Variants in OR8H2 observed in about 807,000 individuals in gnomAD.
OR8H2 encodes olfactory receptor 8H2.
For missense variants in OR8H2, 374 were observed against 371.1 expected (o/e 1.01, Z -0.06); for synonymous variants, 157 against 139.2 (o/e 1.13, Z -0.90).
In OR8H2 at chr11:56,107,364, A is replaced by G. The variant is rs1854069303; in HGVS notation, c.*1383A>G. ...ACTCCTTGACTTAAATGCTTTATTC[A>G]TTGATTTTAAATTTCTTAATACAGA... is the stretch of plus-strand genomic sequence containing the variant. On this transcript the variant is annotated 3_prime_UTR_variant, in exon 2 of 2. Coordinates refer to ENST00000313503, the MANE Select transcript of OR8H2 (RefSeq NM_001386064.1). 6.6e-6 allele frequency: 1 copy of G among 151,934 alleles called. No homozygotes were observed. Among genetic ancestry groups the G allele is most frequent in the African/African-American group, 2.4e-5 (1 of 41,444 alleles). 9.4% of individuals were successfully genotyped at this position (151,934 alleles called of 1,614,324 possible).
chr11:56,106,284 T>G lies in OR8H2; in HGVS notation c.*303T>G. 1.1e-5 allele frequency: 2 copies of G among 185,856 alleles called. No individual in the cohort carries two copies. Among genetic ancestry groups the G allele is most frequent in the South Asian group, 1.5e-4 (1 of 6,506 alleles). The allele number at this position is 185,856 out of a possible 1,614,324, so 11.5% of individuals were successfully genotyped here. On this transcript the variant is annotated 3_prime_UTR_variant, in exon 2 of 2. Transcript: ENST00000313503. ...ATTTTTAATTATATTATTCAAATTC[T>G]TATGTATACTTCAATTGTAGATAAA...
In OR8H2 at chr11:56,105,769, T is replaced by C; in HGVS notation, c.727T>C (p.Ser243Pro). Residue 243 changes from serine to proline, a missense_variant, in exon 2 of 2, where the codon TCT becomes CCT. Transcript: ENST00000313503. ...GKQKAFSTCV[S>P]HLLGVTIFYS... Reference sequence around the variant, plus strand: ...GCAGAAAGCTTTCTCTACTTGCGTCTCTCATCTCTTGGGAGTCACCATCTT... The same window carrying C: ...GCAGAAAGCTTTCTCTACTTGCGTCCCTCATCTCTTGGGAGTCACCATCTT... 6.2e-7 allele frequency: 1 copy of C among 1,613,964 alleles called. No homozygotes were observed. The highest frequency in any genetic ancestry group is 8.5e-7 in the Non-Finnish European group (1 of 1,179,838).
At position 56,105,607 on chromosome 11, in the gene OR8H2, T is replaced by C. The variant is rs1288721839; in HGVS notation, c.565T>C (p.Cys189Arg). Residue 189 changes from cysteine (C) to arginine (R), a missense_variant, in exon 2 of 2, where the codon TGC becomes CGC. By Grantham distance (180) the Cys-to-Arg change is radical. Transcript: ENST00000313503. Reference protein sequence around the residue: ...CDTSPILALSCTDTYNTEILI... With the variant: ...CDTSPILALSRTDTYNTEILI... ...CACTTCCCCAATTTTAGCTCTGTCC[T>C]GCACTGATACATACAACACCGAAAT... 1.2e-6 allele frequency: 2 copies of C among 1,614,202 alleles called. No homozygotes were observed. The highest frequency in any genetic ancestry group is 2.2e-5 in the South Asian group (2 of 91,088).
intron 1 of OR8H2, among the ~76,000 whole-genome samples, 158 bp downstream of exon 1, chr11:56,104,145 C>T (rs892490924): frequency 4.6e-5 from 7 of 151,900 alleles, no homozygotes; most frequent in African/African-American, 1.4e-4. Flanking sequence ...GTAGAGTTGA[C>T]AGAATCAGAG....
rs200200653 is a variant in OR8H2, at chr11:56,105,791, T to C, written c.749T>C (p.Ile250Thr). Residue 250 changes from isoleucine to threonine, a missense_variant, in exon 2 of 2, where the codon ATC (isoleucine) becomes ACC (threonine). Ile to Thr is a moderately conservative substitution (Grantham distance 89). Coordinates refer to ENST00000313503, the MANE Select transcript of OR8H2 (RefSeq NM_001386064.1). The stretch of plus-strand genomic sequence containing the variant: ...GTCTCTCATCTCTTGGGAGTCACCA[T>C]CTTTTATAGCACTCTGATTTTTACT... ...TCVSHLLGVT[I>T]FYSTLIFTYL... 3.1e-5 allele frequency: 50 copies of C among 1,613,784 alleles called. No homozygotes were observed. The highest frequency in any genetic ancestry group is 5.0e-5 in the Admixed American group (3 of 59,990).
chr11:56,105,997 T>A lies in OR8H2; in HGVS notation c.*16T>A. 1 of 1,411,200 alleles carries A rather than the reference T, an allele frequency of 7.1e-7. No homozygotes were observed. The highest frequency in any genetic ancestry group is 9.7e-7 in the Non-Finnish European group (1 of 1,031,542). The allele number at this position is 1,411,200 out of a possible 1,614,324, so 87.4% of individuals were successfully genotyped here. On this transcript the variant is annotated 3_prime_UTR_variant, in exon 2 of 2. Transcript: ENST00000313503. ...CTCCAGGTAATTAATATAGCAGGAATGCTGAACATTTAAACTCATCTTTTC... is the reference window on the plus strand; with the variant it reads ...CTCCAGGTAATTAATATAGCAGGAAAGCTGAACATTTAAACTCATCTTTTC...
rs1288280240 is a variant in OR8H2, at chr11:56,105,489, T to C, written c.447T>C (p.Tyr149=). 5 of 1,614,116 alleles carry C rather than the reference T, an allele frequency of 3.1e-6. No individual in the cohort carries two copies. The highest frequency in any genetic ancestry group is 3.4e-6 in the Non-Finnish European group (4 of 1,180,048). Residue 149 remains tyrosine (Y), a synonymous_variant, in exon 2 of 2, where the codon TAT becomes TAC. Transcript: ENST00000313503. ...GCCTCGCTCTCATCACTGGGCCTTATGTGATTGGCTTTATAGACTCCTTTG... is the reference window on the plus strand; with the variant it reads ...GCCTCGCTCTCATCACTGGGCCTTACGTGATTGGCTTTATAGACTCCTTTG... ...RLCLALITGP[Y]VIGFIDSFVN...
chr11:56,106,080 T>C lies in OR8H2; in HGVS notation c.*99T>C, dbSNP rs1257699762. ...CTATAAAAACAATTGAATCTTTTAA[T>C]TTGTTTGCATTTCTGTTGTGCTACC... On this transcript the variant is annotated 3_prime_UTR_variant, in exon 2 of 2. Coordinates refer to ENST00000313503, the MANE Select transcript of OR8H2 (RefSeq NM_001386064.1). 3 of 808,064 alleles carry C rather than the reference T, an allele frequency of 3.7e-6. No homozygotes were observed. Among genetic ancestry groups the C allele is most frequent in the Admixed American group, 5.3e-5 (2 of 37,704 alleles). The allele number at this position is 808,064 out of a possible 1,614,324, so 50.1% of individuals were successfully genotyped here.
chr11:56,104,126 G>T (rs1854015369), intron 1 of OR8H2, 139 bp downstream of exon 1: 1 of 151,944 alleles, frequency 6.6e-6, no homozygotes, highest in South Asian at 2.1e-4. Flanking sequence ...CAAGGTTTTT[G>T]AAACAAATGT....
chr11:56,105,192 C>G lies in OR8H2; in HGVS notation c.150C>G (p.Ile50Met). The G allele has an allele frequency of 6.2e-7, 1 of 1,614,178 alleles. No individual in the cohort carries two copies. The highest frequency in any genetic ancestry group is 8.5e-7 in the Non-Finnish European group (1 of 1,180,022). The change falls in exon 2 of 2, where the codon ATC becomes ATG. Residue 50 changes from isoleucine (I) to methionine (M), a missense_variant. Transcript: ENST00000313503. ...MLGNVGMILI[I>M]RLDLQLHTPM... ...GGAATGTGGGGATGATATTGATAAT[C>G]CGCCTGGACCTCCAGCTTCACACTC... is the stretch of plus-strand genomic sequence containing the variant.
rs76558051 is a variant in OR8H2, at chr11:56,104,168, G to A, written c.-172+181G>A. Among the ~76,000 whole-genome samples, 1,489 of 152,072 alleles carry A rather than the reference G, an allele frequency of 9.8e-3. 22 individuals are homozygous for A. Among genetic ancestry groups the A allele is most frequent in the African/African-American group, 0.035 (1,433 of 41,500 alleles). On this transcript the variant is annotated intron_variant, in intron 1 of 1. Coordinates refer to ENST00000313503, the MANE Select transcript of OR8H2 (RefSeq NM_001386064.1). ...GACAGAATCAGAGTCTACAAGCAAAGTATATACTTTGAAAATATAATTTTT... is the reference window on the plus strand; with the variant it reads ...GACAGAATCAGAGTCTACAAGCAAAATATATACTTTGAAAATATAATTTTT...
Position 56,105,250 on chromosome 11 carries a change from A to C in OR8H2, c.208A>C (p.Ile70Leu). ...TTTTTTCCTTACTCACCTGTCATTT[A>C]TTGACCTCAGTTACTCAACTGTCGT... is the stretch of plus-strand genomic sequence containing the variant. ...MYFFLTHLSFIDLSYSTVVTP... is the reference protein window; with the variant it reads ...MYFFLTHLSFLDLSYSTVVTP... Residue 70 changes from isoleucine to leucine, a missense_variant, in exon 2 of 2, where the codon ATT (isoleucine) becomes CTT (leucine). Ile to Leu is a conservative substitution (Grantham distance 5, BLOSUM62 2). Coordinates refer to ENST00000313503, the MANE Select transcript of OR8H2 (RefSeq NM_001386064.1). 6.2e-7 allele frequency: 1 copy of C among 1,614,166 alleles called. No homozygotes were observed. The highest frequency in any genetic ancestry group is 8.5e-7 in the Non-Finnish European group (1 of 1,180,020).
Position 56,105,606 on chromosome 11 carries a change from C to T in OR8H2, c.564C>T (p.Ser188=). ...ACACTTCCCCAATTTTAGCTCTGTC[C>T]TGCACTGATACATACAACACCGAAA... ...FCDTSPILAL[S]CTDTYNTEIL... is the part of the protein sequence containing the mutation. Residue 188 remains serine (S), a synonymous_variant, in exon 2 of 2, where the codon TCC becomes TCT. Coordinates refer to ENST00000313503, the MANE Select transcript of OR8H2 (RefSeq NM_001386064.1). 1 of 1,614,136 alleles carries T rather than the reference C, an allele frequency of 6.2e-7. No individual in the cohort carries two copies. Among genetic ancestry groups the T allele is most frequent in the East Asian group, 2.2e-5 (1 of 44,872 alleles).
Position 56,106,111 on chromosome 11 carries a change from C to T in OR8H2, c.*130C>T, listed in dbSNP as rs1854052717. Reference sequence around the variant, plus strand: ...TGCATTTCTGTTGTGCTACCCTTTGCTTCACTAAACATGATTTTAAACATT... The same window carrying T: ...TGCATTTCTGTTGTGCTACCCTTTGTTTCACTAAACATGATTTTAAACATT... On this transcript the variant is annotated 3_prime_UTR_variant, in exon 2 of 2. Transcript: ENST00000313503. The T allele has an allele frequency of 3.1e-6, 2 of 637,440 alleles. No individual in the cohort carries two copies. The highest frequency in any genetic ancestry group is 5.3e-6 in the Non-Finnish European group (2 of 379,170). 39.5% of individuals were successfully genotyped at this position (637,440 alleles called of 1,614,324 possible).
rs1258172824 is a variant in OR8H2 at position 56,106,143 on chromosome 11, C to G, written c.*162C>G. 1 of 518,488 alleles carries G rather than the reference C, an allele frequency of 1.9e-6. No individual in the cohort carries two copies. Among genetic ancestry groups the G allele is most frequent in the Non-Finnish European group, 3.3e-6 (1 of 300,956 alleles). 32.1% of individuals were successfully genotyped at this position (518,488 alleles called of 1,614,324 possible). A position where few individuals can be genotyped will look rare whatever the true frequency, so the allele number is the denominator to read the frequency against. On this transcript the variant is annotated 3_prime_UTR_variant, in exon 2 of 2. Transcript: ENST00000313503. Reference sequence around the variant, plus strand: ...AAACATGATTTTAAACATTTCAAGGCATATGTTTTTAGAAATCCAAATGGT... The same window carrying G: ...AAACATGATTTTAAACATTTCAAGGGATATGTTTTTAGAAATCCAAATGGT...
At position 56,106,089 on chromosome 11, in the gene OR8H2, A is replaced by C. The variant is rs1311453553; in HGVS notation, c.*108A>C. ...CAATTGAATCTTTTAATTTGTTTGC[A>C]TTTCTGTTGTGCTACCCTTTGCTTC... On this transcript the variant is annotated 3_prime_UTR_variant, in exon 2 of 2. Transcript: ENST00000313503. The C allele has an allele frequency of 2.6e-6, 2 of 778,572 alleles. No homozygotes were observed. The highest frequency in any genetic ancestry group is 5.1e-5 in the East Asian group (2 of 39,414). 48.2% of individuals were successfully genotyped at this position (778,572 alleles called of 1,614,324 possible). A position where few individuals can be genotyped will look rare whatever the true frequency, so the allele number is the denominator to read the frequency against.
chr11:56,104,816 T>A, intron 1 of OR8H2, 56 bp from the exon 2 acceptor site: 1 of 433,960 alleles, frequency 2.3e-6, no homozygotes, highest in Non-Finnish European at 4.0e-6. Context: ...TTAAATGATA[T>A]GCCATTCATA....
In OR8H2 at chr11:56,106,016, TC is replaced by T; in HGVS notation, c.*36del. ...CAGGAATGCTGAACATTTAAACTCA[TC>T]TTTTCTTTCATTCCTGTTGGGTATT... is the stretch of plus-strand genomic sequence containing the variant. On this transcript the variant is annotated 3_prime_UTR_variant, in exon 2 of 2. Transcript: ENST00000313503. The T allele has an allele frequency of 8.1e-7, 1 of 1,235,134 alleles. No individual in the cohort carries two copies. The highest frequency in any genetic ancestry group is 1.1e-6 in the Non-Finnish European group (1 of 879,130). 76.5% of individuals were successfully genotyped at this position (1,235,134 alleles called of 1,614,324 possible).
rs148596057 is a variant in OR8H2, at chr11:56,105,881, T to C, written c.839T>C (p.Ile280Thr). 475 of 1,611,344 alleles carry C rather than the reference T, an allele frequency of 2.9e-4. No homozygotes were observed. The highest frequency in any genetic ancestry group is 3.9e-4 in the Non-Finnish European group (460 of 1,177,802). Residue 280 changes from isoleucine (I) to threonine (T), a missense_variant, in exon 2 of 2, where the codon ATT becomes ACT. Physicochemically the swap from Ile to Thr is moderately conservative, Grantham distance 89 (BLOSUM62 -1). Coordinates refer to ENST00000313503, the MANE Select transcript of OR8H2 (RefSeq NM_001386064.1). ...RDQVASVFYT[I>T]VIPVLNPLIY... ...CAAGTGGCTTCTGTTTTTTATACTA[T>C]TGTGATTCCCGTGCTGAATCCACTC...
Sources: allele counts gnomAD v4.1 joint callset (sites outside exome capture counted in the v4.1 genomes callset), GRCh38; gene constraint gnomAD v4.1.1; transcripts MANE v1.5; gene names NCBI Gene and HGNC (gene_info 2026-07-23, HGNC 2026-07-21).